The following SIPA1L3 variants were observed in gnomAD, a reference collection of about 807,000 sequenced individuals.
SIPA1L3 encodes the protein signal-induced proliferation-associated 1-like protein 3.
SIPA1L3 carries 59 observed loss-of-function variants against 150.1 expected under a neutral mutation model. The ratio of observed to expected loss-of-function variants is 0.39; its 90% CI spans 0.32 to 0.49. SIPA1L3 has a LOEUF of 0.49. Among genes scored for constraint, SIPA1L3 ranks in the 20% least tolerant of loss-of-function variants. The pLI is 0.86. For synonymous variants in SIPA1L3, 1,070 were observed against 1,077.6 expected, an observed-to-expected ratio of 0.99 and a Z score of 0.14; for missense variants, 2,211 against 2,489.5, an observed-to-expected ratio of 0.89 and a Z score of 2.38.
chr19:38,100,545 C>G (rs1970477536), intron 5 of SIPA1L3, among the ~76,000 whole-genome samples: 1 of 152,198 alleles, frequency 6.6e-6, no homozygotes, highest in Non-Finnish European at 1.5e-5. Flanking sequence ...ACCCTGGTCA[C>G]AGGAGAGCCA....
intron 15 of SIPA1L3, among the ~76,000 whole-genome samples, chr19:38,171,480 C>T (rs1399735106): frequency 6.7e-6 from 1 of 148,922 alleles, no homozygotes; most frequent in Non-Finnish European, 1.5e-5. Flanking sequence ...GCAACCTCTG[C>T]CTCCCAGGTT....
intron 15 of SIPA1L3, 127 bp downstream of exon 15, chr19:38,165,033 T>C: frequency 1.1e-6 from 1 of 927,654 alleles, no homozygotes; most frequent in Non-Finnish European, 1.6e-6. Flanking sequence ...AGTCATTGGT[T>C]TGCTGACAGA....
intron 9 of SIPA1L3, among the ~76,000 whole-genome samples, chr19:38,122,019 A>G (rs935992369): frequency 1.3e-5 from 2 of 151,894 alleles, no homozygotes; most frequent in Non-Finnish European, 2.9e-5. Context: ...TCAGGGGTTC[A>G]AGACCAGCCT....
chr19:38,192,823 C>A (rs1175893143), intron 17 of SIPA1L3, among the ~76,000 whole-genome samples: 1 of 152,174 alleles, frequency 6.6e-6, no homozygotes, highest in Non-Finnish European at 1.5e-5. Flanking sequence ...CTGAGGTGGA[C>A]CCCAGCCTCC....
intron 2 of SIPA1L3, among the ~76,000 whole-genome samples, chr19:38,073,414 G>T (rs185194190): frequency 6.6e-6 from 1 of 152,324 alleles, no homozygotes; most frequent in East Asian, 1.9e-4. Context: ...GCAAAGCACC[G>T]TTGGATAGTC....
chr19:38,038,501 G>A (rs1450090068), intron 2 of SIPA1L3, among the ~76,000 whole-genome samples: 1 of 148,426 alleles, frequency 6.7e-6, no homozygotes. Context: ...GAGGCAGGGA[G>A]AATTGCTTGA....
At chr19:38,007,783 G>A (rs967270055) in intron 1 of SIPA1L3, among the ~76,000 whole-genome samples, 1 of 152,044 alleles carries the variant, frequency 6.6e-6, no homozygotes, top group Non-Finnish European at 1.5e-5. Flanking sequence ...GTATGATTTA[G>A]TTACTTTATT....
intron 1 of SIPA1L3, among the ~76,000 whole-genome samples, chr19:37,938,017 A>G (rs2046617253): frequency 6.6e-6 from 1 of 152,160 alleles, no homozygotes; most frequent in Admixed American, 6.6e-5. Context: ...ACTGCACTCC[A>G]GCCTGGGCGA....
At chr19:38,069,958 G>C (rs1245625485) in intron 2 of SIPA1L3, among the ~76,000 whole-genome samples, 1 of 151,520 alleles carries the variant, frequency 6.6e-6, no homozygotes, top group Admixed American at 6.6e-5. Flanking sequence ...TTACAGGCAC[G>C]AGCTACCATG....
At chr19:37,985,297 A>G (rs1252868400) in intron 1 of SIPA1L3, among the ~76,000 whole-genome samples, 1 of 151,914 alleles carries the variant, frequency 6.6e-6, no homozygotes, top group Non-Finnish European at 1.5e-5. Context: ...CTCTAGCTCA[A>G]GCAATCCTCC....
At chr19:38,020,852 G>C (rs938564518) in intron 1 of SIPA1L3, among the ~76,000 whole-genome samples, 1 of 151,934 alleles carries the variant, frequency 6.6e-6, no homozygotes, top group Non-Finnish European at 1.5e-5. Context: ...CTGTCGCCCA[G>C]GCTGGAGTGC....
Position 38,082,869 on chromosome 19 carries a change from G to A in SIPA1L3, c.1304G>A (p.Gly435Glu), listed in dbSNP as rs1047405895. 15 of 1,613,592 alleles carry A rather than the reference G, an allele frequency of 9.3e-6. No homozygotes were observed. The highest frequency in any genetic ancestry group is 1.7e-5 in the Admixed American group (1 of 60,030). The change falls in exon 3 of 22, where the codon GGG becomes GAG. Residue 435 changes from glycine (G) to glutamate (E), a missense_variant. Physicochemically the swap from Gly to Glu is moderately conservative, Grantham distance 98 (BLOSUM62 -2). Coordinates refer to ENST00000222345, the MANE Select transcript of SIPA1L3 (RefSeq NM_015073.3). ...LSCPHFRNEI[G>E]GECERNVSFS... ...TGCCCGCACTTCCGCAATGAGATCGGGGGCGAGTGTGAGCGCAACGTGAGC... is the reference window on the plus strand; with the variant it reads ...TGCCCGCACTTCCGCAATGAGATCGAGGGCGAGTGTGAGCGCAACGTGAGC...
chr19:38,199,386 C>A (rs186738154), intron 19 of SIPA1L3, among the ~76,000 whole-genome samples: 1 of 152,162 alleles, frequency 6.6e-6, no homozygotes. Context: ...ACCACTCCCC[C>A]GCAACCGTGG....
chr19:38,063,885 A>G (rs1394044967), intron 2 of SIPA1L3, among the ~76,000 whole-genome samples: 3 of 152,328 alleles, frequency 2.0e-5, no homozygotes, highest in South Asian at 4.1e-4. Context: ...CGGCTTGATC[A>G]TGAGCCTGGC....
At chr19:37,911,250 CGT>C (rs34936249) in intron 1 of SIPA1L3, among the ~76,000 whole-genome samples, 8 of 149,590 alleles carry the variant, frequency 5.3e-5, no homozygotes, top group East Asian at 2.0e-4. Context: ...TATGTATGTG[CGT>C]GTGTGTGTGT....
At chr19:38,192,062 G>T in intron 16 of SIPA1L3, 83 bp from the exon 17 acceptor site, 3 of 1,322,948 alleles carry the variant, frequency 2.3e-6, no homozygotes, top group Non-Finnish European at 2.1e-6. Flanking sequence ...TCCCGTGGTG[G>T]CCGGCCCTCT....
intron 1 of SIPA1L3, among the ~76,000 whole-genome samples, chr19:37,942,544 C>T (rs1375860603): frequency 3.4e-4 from 6 of 17,888 alleles, no homozygotes; most frequent in Non-Finnish European, 6.6e-4. Context: ...AGGGGGAGGG[C>T]AGGAGACGGG....
intron 12 of SIPA1L3, among the ~76,000 whole-genome samples, chr19:38,149,610 T>G (rs1316968440): frequency 6.6e-6 from 1 of 152,168 alleles, no homozygotes; most frequent in Non-Finnish European, 1.5e-5. Flanking sequence ...CCCCCCTCCT[T>G]GATGTATTGC....
chr19:37,925,449 T>G (rs1226203997), intron 1 of SIPA1L3, among the ~76,000 whole-genome samples: 4 of 152,068 alleles, frequency 2.6e-5, no homozygotes, highest in Non-Finnish European at 4.4e-5. Context: ...GAGGCCCACA[T>G]GGCTGGAGCG....
Sources: gnomAD v4.1 joint callset for allele counts (sites outside exome capture counted in the v4.1 genomes callset) on GRCh38, gnomAD v4.1.1 for gene constraint, MANE v1.5 for transcripts, NCBI Gene and HGNC (gene_info 2026-07-23, HGNC 2026-07-21) for gene names.